The following CNNM4 variants were observed in gnomAD, a reference collection of about 807,000 sequenced individuals.
CNNM4 encodes the protein metal transporter CNNM4.
A neutral mutation model predicts 53.7 loss-of-function variants in CNNM4; 32 were observed. The observed-to-expected ratio is 0.60, with a 90% confidence interval of 0.45 to 0.80. The LOEUF is 0.80. Ranked by LOEUF, CNNM4 falls within the 30% of genes least tolerant of loss-of-function variation. The pLI is 0.00. For synonymous variants in CNNM4, 410 were observed against 440.0 expected (o/e 0.93, Z 0.85); for missense variants, 784 against 1,022.0 (o/e 0.77, Z 3.17).
intron 1 of CNNM4, among the ~76,000 whole-genome samples, chr2:96,794,683 C>T (rs1244469721): frequency 3.3e-5 from 5 of 152,110 alleles, no homozygotes; most frequent in Non-Finnish European, 5.9e-5. Context: ...TGAAGGTTGC[C>T]TCTCCCTAGG....
Position 96,784,087 on chromosome 2 carries a change from C to T in CNNM4, c.1403-12925C>T, listed in dbSNP as rs371162832. 1.6e-4 allele frequency among the ~76,000 whole-genome samples: 25 copies of T among 152,136 alleles called. 2 individuals are homozygous for T. The highest frequency in any genetic ancestry group is 6.6e-4 in the Admixed American group (10 of 15,266). On this transcript the variant is annotated intron_variant, in intron 1 of 6. Coordinates refer to ENST00000377075, the MANE Select transcript of CNNM4 (RefSeq NM_020184.4). ...ATATCAGAAAAAAACTCTGTCTCTA[C>T]GAAAATAAAATAAAATGAAATAAAA...
intron 1 of CNNM4, among the ~76,000 whole-genome samples, chr2:96,795,245 G>A (rs992352747): frequency 1.3e-5 from 2 of 152,216 alleles, no homozygotes; most frequent in East Asian, 1.9e-4. Context: ...GCCTCCAGCA[G>A]GCACAGAGGC....
intron 5 of CNNM4, among the ~76,000 whole-genome samples, chr2:96,807,138 G>A (rs757723863): frequency 1.2e-4 from 19 of 152,196 alleles, no homozygotes; most frequent in Non-Finnish European, 2.4e-4. Flanking sequence ...AGCCACCCAA[G>A]GAGCTGGGGC....
intron 1 of CNNM4, among the ~76,000 whole-genome samples, chr2:96,777,989 G>T (rs1393340112): frequency 6.6e-6 from 1 of 150,780 alleles, no homozygotes; most frequent in African/African-American, 2.4e-5. Flanking sequence ...ACCTCAGCCC[G>T]CCAAGTAGCT....
In CNNM4 at chr2:96,809,348, T is replaced by A; in HGVS notation, c.2159T>A (p.Leu720Gln). The change falls in exon 7 of 7, where the codon CTG becomes CAG. Residue 720 changes from leucine (L) to glutamine (Q), a missense_variant. By Grantham distance (113) the Leu-to-Gln change is moderately radical (BLOSUM62 -2). Coordinates refer to ENST00000377075, the MANE Select transcript of CNNM4 (RefSeq NM_020184.4). Reference sequence around the variant, plus strand: ...ACTCGGCAGCAGTACCAGAACGGGCTGCTGGCTTCTCGCATGGAGAACAGC... The same window carrying A: ...ACTCGGCAGCAGTACCAGAACGGGCAGCTGGCTTCTCGCATGGAGAACAGC... ...KITRQQYQNG[L>Q]LASRMENSPQ... 6.2e-7 allele frequency: 1 copy of A among 1,614,162 alleles called. No homozygotes were observed. The highest frequency in any genetic ancestry group is 8.5e-7 in the Non-Finnish European group (1 of 1,180,006).
chr2:96,808,774 C>G lies in CNNM4; in HGVS notation c.2130+32C>G. Reference sequence around the variant, plus strand: ...GCCTCACTGCCCTGTCTGGGCAGTGCTATCTTCTGCTCAGGAATCAGCTAC... The same window carrying G: ...GCCTCACTGCCCTGTCTGGGCAGTGGTATCTTCTGCTCAGGAATCAGCTAC... On this transcript the variant is annotated intron_variant, in intron 6 of 6. Coordinates refer to ENST00000377075, the MANE Select transcript of CNNM4 (RefSeq NM_020184.4). The surrounding 1 kb of genome is among the most constrained non-coding windows in gnomAD (Gnocchi z 4.9). 2 of 1,591,100 alleles carry G rather than the reference C, an allele frequency of 1.3e-6. No individual in the cohort carries two copies. The highest frequency in any genetic ancestry group is 1.1e-5 in the South Asian group (1 of 90,596).
intron 5 of CNNM4, among the ~76,000 whole-genome samples, chr2:96,805,031 AAATT>A (rs2079189339): frequency 6.6e-6 from 1 of 152,182 alleles, no homozygotes; most frequent in African/African-American, 2.4e-5. Context: ...AAAAGAAAAT[AAATT>A]GTTTATTTTA....
intron 1 of CNNM4, among the ~76,000 whole-genome samples, chr2:96,789,316 C>T (rs904168477): frequency 1.3e-5 from 2 of 152,282 alleles, no homozygotes; most frequent in African/African-American, 2.4e-5. Flanking sequence ...AGAGGTGACA[C>T]GGAGGCTGGG....
intron 1 of CNNM4, among the ~76,000 whole-genome samples, chr2:96,794,544 C>T (rs149594729): frequency 6.6e-6 from 1 of 152,294 alleles, no homozygotes; most frequent in Non-Finnish European, 1.5e-5. Context: ...CCACCTCTGC[C>T]GTGTTCTCCC....
chr2:96,795,301 C>A (rs2079093063), intron 1 of CNNM4, among the ~76,000 whole-genome samples: 1 of 152,236 alleles, frequency 6.6e-6, no homozygotes, highest in Non-Finnish European at 1.5e-5. Flanking sequence ...TGCCGCCCTG[C>A]TGGAGGGCCT....
rs953524035 is a variant in CNNM4, at chr2:96,760,933, C to G, written c.-67C>G. Reference sequence around the variant, plus strand: ...CTCGGCGGCAGCGGAGCGGCCGGAGCTGCGGTGCGGACCGGGGCCGCGCGG... The same window carrying G: ...CTCGGCGGCAGCGGAGCGGCCGGAGGTGCGGTGCGGACCGGGGCCGCGCGG... On this transcript the variant is annotated 5_prime_UTR_variant, in exon 1 of 7. Coordinates refer to ENST00000377075, the MANE Select transcript of CNNM4 (RefSeq NM_020184.4). 1.1e-6 allele frequency: 1 copy of G among 872,806 alleles called. No individual in the cohort carries two copies. The highest frequency in any genetic ancestry group is 5.0e-5 in the South Asian group (1 of 19,894). The allele number at this position is 872,806 out of a possible 1,614,324, so 54.1% of individuals were successfully genotyped here.
At chr2:96,796,886 A>G in intron 1 of CNNM4, 126 bp from the exon 2 acceptor site, 1 of 935,814 alleles carries the variant, frequency 1.1e-6, no homozygotes, top group Non-Finnish European at 1.7e-6. Flanking sequence ...AAAGATGGAA[A>G]AGATAAAAAC....
At chr2:96,776,158 AGCTGG>A (rs1439040664) in intron 1 of CNNM4, among the ~76,000 whole-genome samples, 1 of 150,090 alleles carries the variant, frequency 6.7e-6, no homozygotes, top group Non-Finnish European at 1.5e-5. Context: ...CCTCCCAAGT[AGCTGG>A]GACCACAGGC....
Position 96,797,609 on chromosome 2 carries a change from C to T in CNNM4, c.1643C>T (p.Pro548Leu), listed in dbSNP as rs761236064. Residue 548 changes from proline to leucine, a missense_variant, in exon 3 of 7, where the codon CCG becomes CTG. Physicochemically the swap from Pro to Leu is moderately conservative, Grantham distance 98 (BLOSUM62 -3). Transcript: ENST00000377075. The surrounding 1 kb of genome is among the most constrained non-coding windows in gnomAD (Gnocchi z 6.0). ...ADNELKVKIS[P>L]QLLLAAHRFL... ...AATGAGCTCAAAGTGAAAATCTCCC[C>T]GCAGCTCCTCCTGGCCGCTCATCGC... 1.1e-5 allele frequency: 17 copies of T among 1,614,138 alleles called. No individual in the cohort carries two copies. The highest frequency in any genetic ancestry group is 6.7e-5 in the Admixed American group (4 of 60,018).
intron 1 of CNNM4, among the ~76,000 whole-genome samples, chr2:96,764,493 A>AC (rs1465136171): frequency 1.3e-5 from 2 of 149,912 alleles, no homozygotes; most frequent in African/African-American, 4.9e-5. Context: ...CTCTCTACCC[A>AC]CCCCCGACAA....
Position 96,809,792 on chromosome 2 carries a change from C to A in CNNM4, c.*275C>A. The A allele has an allele frequency of 1.1e-5, 4 of 372,296 alleles. No homozygotes were observed. The highest frequency in any genetic ancestry group is 1.9e-5 in the Non-Finnish European group (4 of 206,422). The allele number at this position is 372,296 out of a possible 1,614,324, so 23.1% of individuals were successfully genotyped here. A position where few individuals can be genotyped will look rare whatever the true frequency, so the allele number is the denominator to read the frequency against. On this transcript the variant is annotated 3_prime_UTR_variant, in exon 7 of 7. Coordinates refer to ENST00000377075, the MANE Select transcript of CNNM4 (RefSeq NM_020184.4). ...GAGAGAATTTCTAAAGTAGGCTCAT[C>A]ACTTTTTTTTAAATATCATTTTGGG...
At chr2:96,782,849 G>T (rs116411399) in intron 1 of CNNM4, among the ~76,000 whole-genome samples, 1 of 152,140 alleles carries the variant, frequency 6.6e-6, no homozygotes, top group Non-Finnish European at 1.5e-5. Flanking sequence ...ATGTATTTCA[G>T]CAAAGTATTT....
In CNNM4 at chr2:96,800,262, C is replaced by T. The variant is rs536221514; in HGVS notation, c.1948+614C>T. Among the ~76,000 whole-genome samples the T allele has an allele frequency of 2.6e-5, 4 of 152,214 alleles. No individual in the cohort carries two copies. Among genetic ancestry groups the T allele is most frequent in the South Asian group, 2.1e-4 (1 of 4,816 alleles). On this transcript the variant is annotated intron_variant, in intron 5 of 6. Transcript: ENST00000377075. The surrounding 1 kb of genome is among the most constrained non-coding windows in gnomAD (Gnocchi z 4.6). The stretch of plus-strand genomic sequence containing the variant: ...TGTGCTGAGTGGCTCAGGCTTTCCC[C>T]GCAGAGCCCCACAGACAAGGCCCCG...
intron 1 of CNNM4, among the ~76,000 whole-genome samples, chr2:96,769,563 CAA>C (rs1198986708): frequency 3.1e-4 from 20 of 63,716 alleles, no homozygotes; most frequent in African/African-American, 3.6e-4. Flanking sequence ...GACTCTGTCT[CAA>C]AAAAAAAAAA....
Sources: gnomAD v4.1 joint callset for allele counts (sites outside exome capture counted in the v4.1 genomes callset) on GRCh38, gnomAD v4.1.1 for gene constraint, Gnocchi (gnomAD v3.1) non-coding constraint, MANE v1.5 for transcripts, NCBI Gene and HGNC (gene_info 2026-07-23, HGNC 2026-07-21) for gene names.